EPG5: variants seen among roughly 807,000 people sequenced by gnomAD.
The protein encoded by EPG5 is ectopic P granules protein 5 homolog.
Under a neutral mutation model 302.7 loss-of-function variants are expected in EPG5, and 159 were observed. The observed-to-expected ratio is 0.53, with a 90% CI of 0.46 to 0.60. EPG5 has a LOEUF of 0.60. Among genes scored for constraint, EPG5 ranks in the 20% least tolerant of loss-of-function variants. The pLI, the probability that EPG5 is intolerant of heterozygous loss-of-function variation, is 0.00. For missense variants in EPG5, 2,896 were observed against 3,092.4 expected, an observed-to-expected ratio of 0.94 and a Z score of 1.51; for synonymous variants, 1,158 against 1,136.8, an observed-to-expected ratio of 1.02 and a Z score of -0.37.
At chr18:45,884,197 C>T (rs2049166873) in intron 30 of EPG5, among the ~76,000 whole-genome samples, 1 of 152,164 alleles carries the variant, frequency 6.6e-6, no homozygotes, top group African/African-American at 2.4e-5. Context: ...CCAAGCCCCA[C>T]CTCCTGTCAG....
chr18:45,922,699 G>A (rs755436184), intron 15 of EPG5, 99 bp from the exon 16 acceptor site: 32 of 1,375,808 alleles, frequency 2.3e-5, no homozygotes, highest in East Asian at 1.8e-4. Flanking sequence ...TGCCCTCAAC[G>A]CAGAGGAATA....
At chr18:45,860,414 A>C (rs2048610625) in intron 39 of EPG5, 68 bp from the exon 40 acceptor site, 1 of 1,593,566 alleles carries the variant, frequency 6.3e-7, no homozygotes. Flanking sequence ...TCAGGAGAAT[A>C]ACAGTGCTTC....
chr18:45,838,650 G>T, the EPG5 span: 1 of 1,451,304 alleles, frequency 6.9e-7, no homozygotes, highest in Non-Finnish European at 9.0e-7. Context: ...CCACCCCTCC[G>T]GCTCTGGCGT....
At chr18:45,932,069 C>A (rs2050407233) in intron 11 of EPG5, among the ~76,000 whole-genome samples, 1 of 151,822 alleles carries the variant, frequency 6.6e-6, no homozygotes, top group Non-Finnish European at 1.5e-5. Flanking sequence ...GAAATTATTA[C>A]ACAAAGTATT....
chr18:45,928,540 A>C (rs1175396388), intron 13 of EPG5, among the ~76,000 whole-genome samples: 2 of 152,232 alleles, frequency 1.3e-5, no homozygotes, highest in African/African-American at 4.8e-5. Flanking sequence ...TCCAAGTATA[A>C]AATATAAAAA....
chr18:45,884,572 A>T (rs572806460), intron 30 of EPG5, 45 bp downstream of exon 30: 1 of 1,509,486 alleles, frequency 6.6e-7, no homozygotes, highest in East Asian at 2.5e-5. Flanking sequence ...AGCAACAATC[A>T]TTCCTACGTT....
At chr18:45,820,593 A>C in the EPG5 span, among the ~76,000 whole-genome samples, 1 of 150,252 alleles carries the variant, frequency 6.7e-6, no homozygotes, top group East Asian at 2.0e-4. Context: ...TTGCTGCTAC[A>C]TGACCACCTG....
Position 45,939,617 on chromosome 18 carries a change from A to G in EPG5, c.2082T>C (p.His694=). The G allele has an allele frequency of 6.2e-7, 1 of 1,614,124 alleles. No individual in the cohort carries two copies. The change falls in exon 10 of 44, where the codon CAT becomes CAC. Residue 694 remains histidine (H), a synonymous_variant. Transcript: ENST00000282041. Reference sequence around the variant, plus strand: ...TTACTTACCTTTTGGCCTTCAGCACATGTAGGACAGCCCTCAAAAACAGTT... The same window carrying G: ...TTACTTACCTTTTGGCCTTCAGCACGTGTAGGACAGCCCTCAAAAACAGTT... ...FDELFLRAVL[H]VLKAKRLGIW...
chr18:45,945,503 G>A (rs1193273172), intron 7 of EPG5, among the ~76,000 whole-genome samples: 1 of 152,110 alleles, frequency 6.6e-6, no homozygotes, highest in Admixed American at 6.5e-5. Flanking sequence ...TGCTAAACAG[G>A]AGCCAGGCAC....
Position 45,949,467 on chromosome 18 carries a change from T to C in EPG5, c.1497+17A>G, listed in dbSNP as rs774448455. 1.3e-6 allele frequency: 2 copies of C among 1,517,854 alleles called. No homozygotes were observed. Among genetic ancestry groups the C allele is most frequent in the East Asian group, 2.3e-5 (1 of 44,222 alleles). 94.0% of individuals were successfully genotyped at this position (1,517,854 alleles called of 1,614,324 possible). On this transcript the variant is annotated intron_variant, in intron 5 of 43. Coordinates refer to ENST00000282041, the MANE Select transcript of EPG5 (RefSeq NM_020964.3). The stretch of plus-strand genomic sequence containing the variant: ...CTCTCCCCCAACCCCTCAGAATGAG[T>C]TGATGATTCATCATACCTGGATAAA...
chr18:45,874,815 G>C (rs372461097), intron 35 of EPG5, among the ~76,000 whole-genome samples: 1 of 152,184 alleles, frequency 6.6e-6, no homozygotes, highest in East Asian at 1.9e-4. Flanking sequence ...AGGGGCACTA[G>C]GTGTATTCAG....
Position 45,850,314 on chromosome 18 carries a change from A to AC in EPG5, c.*2152dup, listed in dbSNP as rs1433729593. 6.6e-6 allele frequency: 1 copy of AC among 152,116 alleles called. No homozygotes were observed. The highest frequency in any genetic ancestry group is 1.9e-4 in the East Asian group (1 of 5,196). The allele number at this position is 152,116 out of a possible 1,614,324, so 9.4% of individuals were successfully genotyped here. ...CAATTTTTTCAAGCCAAGGCTCATT[A>AC]CCCCTGCAAGCCAACAGGCGGGCTG... On this transcript the variant is annotated 3_prime_UTR_variant, in exon 44 of 44. Coordinates refer to ENST00000282041, the MANE Select transcript of EPG5 (RefSeq NM_020964.3).
intron 17 of EPG5, chr18:45,916,898 T>A (rs1396164301): frequency 5.5e-6 from 1 of 183,138 alleles, no homozygotes; most frequent in East Asian, 1.4e-4. Flanking sequence ...AAGGCAGAGA[T>A]GTTTCCAAAC....
At chr18:45,913,048 A>G (rs2049944364) in intron 21 of EPG5, among the ~76,000 whole-genome samples, 1 of 151,660 alleles carries the variant, frequency 6.6e-6, no homozygotes, top group African/African-American at 2.4e-5. Flanking sequence ...AGATTGTGCC[A>G]TTGTAAAATT....
chr18:45,813,331 G>T, the EPG5 span, among the ~76,000 whole-genome samples: 26 of 152,334 alleles, frequency 1.7e-4, no homozygotes, highest in Middle Eastern at 3.4e-3. Flanking sequence ...CTGTAAACTA[G>T]TTCAACCCTT....
intron 43 of EPG5, 62 bp from the exon 44 acceptor site, chr18:45,852,711 GT>G: frequency 1.4e-6 from 2 of 1,398,938 alleles, no homozygotes; most frequent in Non-Finnish European, 2.0e-6. Context: ...ACTGCCAGAG[GT>G]ACAGCACACC....
At chr18:45,863,509 C>T (rs1458198832) in intron 39 of EPG5, among the ~76,000 whole-genome samples, 2 of 152,172 alleles carry the variant, frequency 1.3e-5, no homozygotes, top group African/African-American at 2.4e-5. Flanking sequence ...GACCACTAAA[C>T]AGCAGTAGAA....
chr18:45,802,537 A>G, the EPG5 span, among the ~76,000 whole-genome samples: 1 of 151,944 alleles, frequency 6.6e-6, no homozygotes, highest in Non-Finnish European at 1.5e-5. Context: ...AAAAACAAAA[A>G]AAAAAGTCTC....
chr18:45,884,871 C>A, intron 29 of EPG5, 60 bp from the exon 30 acceptor site: 2 of 1,303,054 alleles, frequency 1.5e-6, no homozygotes, highest in Admixed American at 3.4e-5. Context: ...TTTATTTAAG[C>A]AAGCAAATTT....
Sources: allele counts gnomAD v4.1 joint callset (sites outside exome capture counted in the v4.1 genomes callset), GRCh38; gene constraint gnomAD v4.1.1; transcripts MANE v1.5; gene names NCBI Gene and HGNC (gene_info 2026-07-23, HGNC 2026-07-21).